The following UNC5D variants were observed in gnomAD, a reference collection of about 807,000 sequenced individuals.
The protein encoded by UNC5D is unc-5 netrin receptor D.
In UNC5D, 39 loss-of-function variants were observed where a neutral mutation model predicts 105.4. The observed-to-expected ratio is 0.37, with a 90% CI of 0.29 to 0.48. UNC5D has a LOEUF of 0.48. Ranked by LOEUF, UNC5D falls within the 20% of genes least tolerant of loss-of-function variation. The pLI, the probability that UNC5D is intolerant of heterozygous loss-of-function variation, is 0.98. For synonymous variants in UNC5D, 452 were observed against 450.4 expected, an observed-to-expected ratio of 1.00 and a Z score of -0.04; for missense variants, 991 against 1,202.4, an observed-to-expected ratio of 0.82 and a Z score of 2.60.
intron 1 of UNC5D, among the ~76,000 whole-genome samples, chr8:35,272,558 C>A (rs960616643): frequency 6.6e-6 from 1 of 152,146 alleles, no homozygotes; most frequent in African/African-American, 2.4e-5. Flanking sequence ...CTGCTTTCAT[C>A]CCCAATGTCA....
chr8:35,533,337 G>A (rs943407694), intron 1 of UNC5D, among the ~76,000 whole-genome samples: 2 of 152,070 alleles, frequency 1.3e-5, no homozygotes, highest in African/African-American at 2.4e-5. Flanking sequence ...CTGCTGGGGG[G>A]TGCCTCCCAG....
intron 11 of UNC5D, among the ~76,000 whole-genome samples, chr8:35,742,528 A>G (rs1829813606): frequency 6.6e-6 from 1 of 152,118 alleles, no homozygotes; most frequent in Admixed American, 6.5e-5. Context: ...CCTGAGTGAT[A>G]CCCTGGGTAA....
intron 3 of UNC5D, among the ~76,000 whole-genome samples, chr8:35,572,286 A>AC (rs1187996567): frequency 6.7e-6 from 1 of 150,214 alleles, no homozygotes; most frequent in East Asian, 1.9e-4. Flanking sequence ...AAAAAAAAAA[A>AC]AAAAAAAAAA....
In UNC5D at chr8:35,409,927, C is replaced by CTT. The variant is rs568203097; in HGVS notation, c.104-139354_104-139353dup. Among the ~76,000 whole-genome samples, 521 of 146,626 alleles carry CTT rather than the reference C, an allele frequency of 3.6e-3. 3 individuals carry two copies. The highest frequency in any genetic ancestry group is 0.012 in the African/African-American group (463 of 40,088). ...AAATTATGATTTAAGAATCTTAGCT[C>CTT]TTTTTTTTTTTTAAACATAGCATAC... On this transcript the variant is annotated intron_variant, in intron 1 of 16. Coordinates refer to ENST00000404895, the MANE Select transcript of UNC5D (RefSeq NM_080872.4).
intron 4 of UNC5D, among the ~76,000 whole-genome samples, chr8:35,640,067 A>T (rs1311637881): frequency 1.3e-5 from 2 of 151,962 alleles, no homozygotes; most frequent in Admixed American, 1.3e-4. Context: ...GGTCCATTTC[A>T]TTTATTTGAA....
intron 1 of UNC5D, among the ~76,000 whole-genome samples, chr8:35,543,298 G>GA (rs11386003): frequency 0.053 from 8,032 of 152,174 alleles, 716 homozygotes; most frequent in African/African-American, 0.18. Flanking sequence ...GTCCTCTCAA[G>GA]AAAAAAGTAT....
intron 13 of UNC5D, among the ~76,000 whole-genome samples, chr8:35,751,134 G>A (rs537706668): frequency 6.6e-6 from 1 of 152,262 alleles, no homozygotes; most frequent in South Asian, 2.1e-4. Context: ...TGGGAGTGCT[G>A]ACTGGTTGCT....
At chr8:35,272,317 C>T (rs1401907069) in intron 1 of UNC5D, among the ~76,000 whole-genome samples, 1 of 152,080 alleles carries the variant, frequency 6.6e-6, no homozygotes, top group Non-Finnish European at 1.5e-5. Context: ...TTGGGTTCCC[C>T]TGGGATGTGG....
rs562213608 is a variant in UNC5D at position 35,359,116 on chromosome 8, A to G, written c.103+123229A>G. Reference sequence around the variant, plus strand: ...CAATCAGCTGTGATTGCACCACTGCACTCTGTCTGGATGGCCAAGCAAGAC... The same window carrying G: ...CAATCAGCTGTGATTGCACCACTGCGCTCTGTCTGGATGGCCAAGCAAGAC... On this transcript the variant is annotated intron_variant, in intron 1 of 16. Transcript: ENST00000404895. 6.1e-4 allele frequency among the ~76,000 whole-genome samples: 93 copies of G among 152,296 alleles called. 1 individual carries two copies. The highest frequency in any genetic ancestry group is 9.7e-4 in the Non-Finnish European group (66 of 68,028).
At chr8:35,580,016 T>C (rs1490448949) in intron 3 of UNC5D, among the ~76,000 whole-genome samples, 1 of 152,108 alleles carries the variant, frequency 6.6e-6, no homozygotes, top group Non-Finnish European at 1.5e-5. Context: ...AGCTAGAGTT[T>C]ATGGCTGCTT....
At chr8:35,762,349 G>C (rs746520875) in intron 14 of UNC5D, among the ~76,000 whole-genome samples, 4 of 152,144 alleles carry the variant, frequency 2.6e-5, no homozygotes, top group Admixed American at 6.5e-5. Flanking sequence ...TGTTGGTTTA[G>C]GTTCTGGAGG....
chr8:35,419,232 A>G (rs1805727813), intron 1 of UNC5D, among the ~76,000 whole-genome samples: 1 of 152,182 alleles, frequency 6.6e-6, no homozygotes, highest in Non-Finnish European at 1.5e-5. Flanking sequence ...GCTAATTGAC[A>G]CAGGATTCTT....
chr8:35,630,798 T>TG (rs1331200088), intron 4 of UNC5D, among the ~76,000 whole-genome samples: 1 of 151,630 alleles, frequency 6.6e-6, no homozygotes, highest in Non-Finnish European at 1.5e-5. Flanking sequence ...TGTACTGGGG[T>TG]GGGGGGGAAT....
At chr8:35,372,831 G>C (rs1219014588) in intron 1 of UNC5D, among the ~76,000 whole-genome samples, 3 of 151,446 alleles carry the variant, frequency 2.0e-5, no homozygotes, top group East Asian at 2.0e-4. Flanking sequence ...CAAATTTCTG[G>C]CCTCAAGTGA....
At chr8:35,320,496 T>C (rs1365668581) in intron 1 of UNC5D, among the ~76,000 whole-genome samples, 4 of 152,152 alleles carry the variant, frequency 2.6e-5, no homozygotes, top group Admixed American at 1.3e-4. Flanking sequence ...AGGGGATCTC[T>C]ACAGAATGTG....
intron 1 of UNC5D, among the ~76,000 whole-genome samples, chr8:35,279,459 G>A (rs1389818971): frequency 6.6e-6 from 1 of 152,134 alleles, no homozygotes; most frequent in Non-Finnish European, 1.5e-5. Flanking sequence ...TTCCATGTGG[G>A]TGGCAAATTG....
At chr8:35,705,402 C>T (rs1006333686) in intron 7 of UNC5D, among the ~76,000 whole-genome samples, 19 of 152,180 alleles carry the variant, frequency 1.2e-4, no homozygotes, top group Admixed American at 7.2e-4. Flanking sequence ...AGAGTGGTTT[C>T]GTAAAAACAA....
At chr8:35,459,173 T>G (rs16883943) in intron 1 of UNC5D, among the ~76,000 whole-genome samples, 3,884 of 152,240 alleles carry the variant, frequency 0.026, 135 homozygotes, top group African/African-American at 0.082. Flanking sequence ...ACAGGCTAAT[T>G]GATCTGACTG....
At chr8:35,565,744 G>T (rs1291348898) in intron 2 of UNC5D, among the ~76,000 whole-genome samples, 1 of 152,162 alleles carries the variant, frequency 6.6e-6, no homozygotes, top group Non-Finnish European at 1.5e-5. Context: ...GTTAATTGTT[G>T]TATATGGTGA....
Sources: gnomAD v4.1 joint callset for allele counts (sites outside exome capture counted in the v4.1 genomes callset) on GRCh38, gnomAD v4.1.1 for gene constraint, MANE v1.5 for transcripts, NCBI Gene and HGNC (gene_info 2026-07-23, HGNC 2026-07-21) for gene names.